Variants in C2orf80 observed in about 807,000 individuals in gnomAD.
C2orf80 encodes the protein chromosome 2 open reading frame 80, also known as uncharacterized protein C2orf80.
Under a neutral mutation model 30.2 loss-of-function variants are expected in C2orf80, and 28 were observed. The ratio of observed to expected loss-of-function variants is 0.93; its 90% CI spans 0.69 to 1.27. The LOEUF (loss-of-function observed/expected upper bound fraction) is 1.27, where lower values mean the gene tolerates loss of function less well. Among genes scored for constraint, C2orf80 ranks in the 50% most tolerant of loss-of-function variants. The pLI is 0.00. For synonymous variants in C2orf80, 80 were observed against 76.4 expected, an observed-to-expected ratio of 1.05 and a Z score of -0.24; for missense variants, 220 against 231.0, an observed-to-expected ratio of 0.95 and a Z score of 0.31.
At chr2:208,167,213 T>A (rs565693352) in intron 8 of C2orf80, among the ~76,000 whole-genome samples, 8 of 151,472 alleles carry the variant, frequency 5.3e-5, no homozygotes, top group South Asian at 2.1e-4. Context: ...CAATGCAATT[T>A]AAAAAAAAAA....
rs1267151720 is a variant in C2orf80 at position 208,165,615 on chromosome 2, T to TG, written c.*191_*192insC. On this transcript the variant is annotated 3_prime_UTR_variant, in exon 9 of 9. Coordinates refer to ENST00000341287, the MANE Select transcript of C2orf80 (RefSeq NM_001099334.3). ...GTAGCATAAGGTCACAGTTTTTTTT[T>TG]TTAAGAAAATGTAGCCATGCAATAT... 4 of 612,654 alleles carry TG rather than the reference T, an allele frequency of 6.5e-6. No individual in the cohort carries two copies. In the Admixed American group the frequency reaches 1.5e-4, roughly 22 times the overall value. The allele number at this position is 612,654 out of a possible 1,614,324, so 38.0% of individuals were successfully genotyped here.
At chr2:208,175,539 C>G in intron 6 of C2orf80, among the ~76,000 whole-genome samples, 1 of 152,044 alleles carries the variant, frequency 6.6e-6, no homozygotes, top group East Asian at 1.9e-4. Context: ...CCGGAGAAAG[C>G]CATCCAGCCT....
intron 3 of C2orf80, among the ~76,000 whole-genome samples, chr2:208,183,296 G>A (rs991668653): frequency 1.4e-5 from 2 of 141,412 alleles, no homozygotes; most frequent in Middle Eastern, 3.2e-3. Context: ...TTCCACTAGA[G>A]CAGTTATCTG....
intron 2 of C2orf80, among the ~76,000 whole-genome samples, chr2:208,186,563 G>A (rs933240638): frequency 2.0e-5 from 3 of 152,196 alleles, no homozygotes; most frequent in Non-Finnish European, 4.4e-5. Flanking sequence ...GCAGAGCAGA[G>A]GCTGCAATTT....
chr2:208,185,913 G>A lies in C2orf80; in HGVS notation c.42-881C>T, dbSNP rs555945949. On this transcript the variant is annotated intron_variant, in intron 2 of 8. Transcript: ENST00000341287. ...TTATTTGGATGAGATATGTGGAAGA[G>A]TTGGCATTCCTGATCATGGTTTGTT... Among the ~76,000 whole-genome samples, 289 of 152,294 alleles carry A rather than the reference G, an allele frequency of 1.9e-3. 2 individuals are homozygous for A. Among genetic ancestry groups the A allele is most frequent in the Non-Finnish European group, 2.6e-3 (177 of 68,018 alleles).
intron 8 of C2orf80, among the ~76,000 whole-genome samples, chr2:208,170,432 G>T (rs533581673): frequency 8.3e-4 from 126 of 152,160 alleles, no homozygotes; most frequent in African/African-American, 2.9e-3. Context: ...AAATAAATCA[G>T]GAATCAGATG....
intron 6 of C2orf80, among the ~76,000 whole-genome samples, chr2:208,173,144 ACT>A (rs1696161445): frequency 7.6e-6 from 1 of 131,302 alleles, no homozygotes. Context: ...AAAAAAAAAA[ACT>A]CAAGTGCCTG....
chr2:208,166,864 A>G (rs1327150455), intron 8 of C2orf80, among the ~76,000 whole-genome samples: 1 of 151,994 alleles, frequency 6.6e-6, no homozygotes, highest in African/African-American at 2.4e-5. Context: ...GTTAGCCAGG[A>G]TGGTCTTGAT....
intron 1 of C2orf80, among the ~76,000 whole-genome samples, chr2:208,187,313 G>C (rs1363821947): frequency 2.0e-5 from 3 of 152,170 alleles, no homozygotes; most frequent in Non-Finnish European, 1.5e-5. Flanking sequence ...AATCTAGCAA[G>C]TAAAACCAAA....
At chr2:208,166,869 C>T (rs1039803517) in intron 8 of C2orf80, among the ~76,000 whole-genome samples, 29 of 152,236 alleles carry the variant, frequency 1.9e-4, no homozygotes, top group Middle Eastern at 6.8e-3. Flanking sequence ...CCAGGATGGT[C>T]TTGATCTCCT....
At chr2:208,170,521 C>T (rs1354415781) in intron 8 of C2orf80, among the ~76,000 whole-genome samples, 1 of 152,158 alleles carries the variant, frequency 6.6e-6, no homozygotes, top group Non-Finnish European at 1.5e-5. Flanking sequence ...AGGATAGAAA[C>T]ATTTGGGATA....
intron 3 of C2orf80, 102 bp downstream of exon 3, chr2:208,184,849 T>G: frequency 2.4e-6 from 2 of 835,638 alleles, no homozygotes; most frequent in African/African-American, 3.4e-5. Flanking sequence ...GGGGGATGGG[T>G]GTCAATATTA....
At chr2:208,176,273 T>C (rs1696290057) in intron 6 of C2orf80, among the ~76,000 whole-genome samples, 1 of 152,142 alleles carries the variant, frequency 6.6e-6, no homozygotes, top group Non-Finnish European at 1.5e-5. Flanking sequence ...CCTCCTGGGT[T>C]CCAGCAATTC....
chr2:208,176,869 ATACATATG>A (rs1696317310), intron 6 of C2orf80, among the ~76,000 whole-genome samples: 4 of 132,162 alleles, frequency 3.0e-5, no homozygotes, highest in African/African-American at 1.1e-4. Flanking sequence ...TATACTATAT[ATACATATG>A]TATACATAGG....
intron 6 of C2orf80, among the ~76,000 whole-genome samples, chr2:208,174,580 G>A (rs1043564491): frequency 2.0e-5 from 3 of 152,238 alleles, no homozygotes; most frequent in Non-Finnish European, 4.4e-5. Context: ...GTGATCAGGT[G>A]TGTTTGGGTA....
rs367917289 is a variant in C2orf80, at chr2:208,165,684, T to C, written c.*123A>G. 1,030 of 1,302,342 alleles carry C rather than the reference T, an allele frequency of 7.9e-4. 14 individuals carry two copies. In the South Asian group the frequency reaches 0.01, roughly 13 times the overall value. The allele number at this position is 1,302,342 out of a possible 1,614,324, so 80.7% of individuals were successfully genotyped here. ...CTCAACATCAAAAATAACACTTCAGTGCAGTTGTACCAAAAACAGTTGTAA... is the reference window on the plus strand; with the variant it reads ...CTCAACATCAAAAATAACACTTCAGCGCAGTTGTACCAAAAACAGTTGTAA... On this transcript the variant is annotated 3_prime_UTR_variant, in exon 9 of 9. Coordinates refer to ENST00000341287, the MANE Select transcript of C2orf80 (RefSeq NM_001099334.3).
intron 6 of C2orf80, among the ~76,000 whole-genome samples, chr2:208,173,120 C>CAAAA (rs57629811): frequency 1.4e-5 from 1 of 72,384 alleles, no homozygotes; most frequent in African/African-American, 5.6e-5. Flanking sequence ...AACCTCATCT[C>CAAAA]AAAAAAAAAA....
chr2:208,168,111 C>T (rs1364006577), intron 8 of C2orf80, among the ~76,000 whole-genome samples: 1 of 152,004 alleles, frequency 6.6e-6, no homozygotes. Flanking sequence ...GTTTTTCATC[C>T]ATTTAATAAA....
chr2:208,180,795 C>A lies in C2orf80; in HGVS notation c.316G>T (p.Val106Phe). 1.9e-6 allele frequency: 3 copies of A among 1,613,642 alleles called. No individual in the cohort carries two copies. The highest frequency in any genetic ancestry group is 1.7e-6 in the Non-Finnish European group (2 of 1,179,742). The change falls in exon 6 of 9, where the codon GTC becomes TTC. Residue 106 changes from valine (V) to phenylalanine (F), a missense_variant. Physicochemically the swap from Val to Phe is conservative, Grantham distance 50. Coordinates refer to ENST00000341287, the MANE Select transcript of C2orf80 (RefSeq NM_001099334.3). ...ILMNSIPIEE[V>F]FKIYGADSSA... ...GAATCAGCCCCATAAATTTTAAAGA[C>A]TTCCTCAATCGGGATACTGTTCTGT... is the stretch of plus-strand genomic sequence containing the variant.
Sources: allele counts gnomAD v4.1 joint callset (sites outside exome capture counted in the v4.1 genomes callset), GRCh38; gene constraint gnomAD v4.1.1; transcripts MANE v1.5; gene names NCBI Gene and HGNC (gene_info 2026-07-23, HGNC 2026-07-21).